Variants in LYPD4 observed in about 807,000 individuals in gnomAD.
LYPD4 encodes the protein LY6/PLAUR domain containing 4.
LYPD4 carries 20 observed loss-of-function variants against 18.2 expected under a neutral mutation model. The ratio of observed to expected loss-of-function variants is 1.10; its 90% CI spans 0.77 to 1.59. The LOEUF (loss-of-function observed/expected upper bound fraction) is 1.59. LYPD4 is among the 40% of genes most tolerant of loss of function. The pLI is 0.00. For synonymous variants in LYPD4, 111 were observed against 118.3 expected, an observed-to-expected ratio of 0.94 and a Z score of 0.40; for missense variants, 278 against 300.3, an observed-to-expected ratio of 0.93 and a Z score of 0.55.
At chr19:41,837,393 G>A (rs369537582) in intron 4 of LYPD4, 48 bp from the exon 5 acceptor site, 2 of 1,605,388 alleles carry the variant, frequency 1.2e-6, no homozygotes, top group East Asian at 2.2e-5. Flanking sequence ...AGACTCAAGA[G>A]CCCTGCCTTC....
rs570982806 is a variant in LYPD4 at position 41,843,624 on chromosome 19, A to G, written c.-167T>C. The G allele has an allele frequency of 5.9e-5, 9 of 152,130 alleles. No individual in the cohort carries two copies. The highest frequency in any genetic ancestry group is 2.2e-4 in the African/African-American group (9 of 41,438). The allele number at this position is 152,130 out of a possible 1,614,324, so 9.4% of individuals were successfully genotyped here. On this transcript the variant is annotated 5_prime_UTR_variant, in exon 1 of 5. Transcript: ENST00000609812. ...AGCTCCCCTGCCCAGCAGTCCAGCT[A>G]GAGGTCACGTCGGCCACCCTTTTCT...
intron 1 of LYPD4, among the ~76,000 whole-genome samples, chr19:41,842,784 A>C (rs1555833878): frequency 6.7e-6 from 1 of 148,524 alleles, no homozygotes; most frequent in African/African-American, 2.5e-5. Context: ...AAAAAAAAAA[A>C]AAAAAAAAAA....
rs1364659131 is a variant in LYPD4 at position 41,838,203 on chromosome 19, C to T, written c.270G>A (p.Ala90=). ...KGCSSSSSYP[A]QISYLVSPPG... ...GTGGGGAAACAAGGTAGGAGATTTG[C>T]GCAGGGTAAGACGAAGACGAGCTGC... The change falls in exon 4 of 5, where the codon GCG becomes GCA. Residue 90 remains alanine (A), a synonymous_variant. Transcript: ENST00000609812. The T allele has an allele frequency of 5.1e-6, 8 of 1,583,218 alleles. No homozygotes were observed. The African/African-American group carries it at 6.8e-5, about 13-fold the overall frequency.
chr19:41,838,178 G>T lies in LYPD4; in HGVS notation c.295C>A (p.Pro99Thr), dbSNP rs1555831399. 8.8e-6 allele frequency: 14 copies of T among 1,599,890 alleles called. No homozygotes were observed. Among genetic ancestry groups the T allele is most frequent in the Non-Finnish European group, 1.2e-5 (14 of 1,171,362 alleles). ...CTGTAGGAGGCAATGGACACTCCGG[G>T]TGGGGAAACAAGGTAGGAGATTTGC... ...PAQISYLVSP[P>T]GVSIASYSRV... The change falls in exon 4 of 5, where the codon CCC (proline) becomes ACC (threonine). Residue 99 changes from proline (P) to threonine (T), a missense_variant. Pro to Thr is a conservative substitution (Grantham distance 38). Coordinates refer to ENST00000609812, the MANE Select transcript of LYPD4 (RefSeq NM_173506.7).
rs2073497483 is a variant in LYPD4 at position 41,839,337 on chromosome 19, G to A, written c.-52C>T. On this transcript the variant is annotated 5_prime_UTR_variant, in exon 2 of 5. Coordinates refer to ENST00000609812, the MANE Select transcript of LYPD4 (RefSeq NM_173506.7). ...AGAGGTCAGTCTGGAATCAGTTTCA[G>A]TCTGGATCCCAAGCTCAGTTCCCAT... The A allele has an allele frequency of 1.3e-6, 2 of 1,552,202 alleles. No individual in the cohort carries two copies. The highest frequency in any genetic ancestry group is 2.7e-5 in the African/African-American group (2 of 73,692).
rs906166717 is a variant in LYPD4, at chr19:41,838,471, C to A, written c.212-210G>T. On this transcript the variant is annotated intron_variant, in intron 3 of 4. Coordinates refer to ENST00000609812, the MANE Select transcript of LYPD4 (RefSeq NM_173506.7). ...CATTCTTCCACTGCAGGACCTCCCCCAGCCCCCACTCCTCTCTCCCTTGTG... is the reference window on the plus strand; with the variant it reads ...CATTCTTCCACTGCAGGACCTCCCCAAGCCCCCACTCCTCTCTCCCTTGTG... 3.3e-5 allele frequency among the ~76,000 whole-genome samples: 5 copies of A among 152,234 alleles called. No homozygotes were observed. The East Asian group carries it at 7.8e-4, about 24-fold the overall frequency.
downstream of LYPD4, chr19:41,836,970 C>T (rs1211787868): frequency 3.1e-6 from 4 of 1,293,656 alleles, no homozygotes; most frequent in African/African-American, 4.5e-5. Flanking sequence ...AGGACACTGT[C>T]ACTTTGCCAG....
intron 1 of LYPD4, among the ~76,000 whole-genome samples, chr19:41,841,999 A>T (rs574671877): frequency 1.7e-3 from 261 of 152,330 alleles, no homozygotes; most frequent in African/African-American, 6.0e-3. Flanking sequence ...TATACCCTAC[A>T]TAGGTATTAC....
chr19:41,838,257 A>C lies in LYPD4; in HGVS notation c.216T>G (p.Thr72=). 1 of 1,526,062 alleles carries C rather than the reference A, an allele frequency of 6.6e-7. No individual in the cohort carries two copies. Among genetic ancestry groups the C allele is most frequent in the Non-Finnish European group, 8.8e-7 (1 of 1,136,270 alleles). 94.5% of individuals were successfully genotyped at this position (1,526,062 alleles called of 1,614,324 possible). A position where few individuals can be genotyped will look rare whatever the true frequency, so the allele number is the denominator to read the frequency against. The change falls in exon 4 of 5, where the codon ACT becomes ACG. Residue 72 remains threonine (T), a synonymous_variant. Transcript: ENST00000609812. The stretch of plus-strand genomic sequence containing the variant: ...CTTTAAAGCCCACGACTCCCCTTGC[A>C]GTCCCTGAGGAGCAGAGGATTGAGA... ...EETLVFIETG[T]ARGVVGFKGC...
Position 41,838,273 on chromosome 19 carries a change from A to G in LYPD4, c.212-12T>C. ...TCCCCTTGCAGTCCCTGAGGAGCAGAGGATTGAGAGAGCTCAGATCAGTGT... is the reference window on the plus strand; with the variant it reads ...TCCCCTTGCAGTCCCTGAGGAGCAGGGGATTGAGAGAGCTCAGATCAGTGT... On this transcript the variant is annotated splice_polypyrimidine_tract_variant and intron_variant, in intron 3 of 4. Transcript: ENST00000609812. 4 of 1,515,068 alleles carry G rather than the reference A, an allele frequency of 2.6e-6. No individual in the cohort carries two copies. The highest frequency in any genetic ancestry group is 3.5e-6 in the Non-Finnish European group (4 of 1,132,184). 93.9% of individuals were successfully genotyped at this position (1,515,068 alleles called of 1,614,324 possible). A position where few individuals can be genotyped will look rare whatever the true frequency, so the allele number is the denominator to read the frequency against.
rs566782331 is a variant in LYPD4, at chr19:41,838,663, G to A, written c.211+218C>T. Reference sequence around the variant, plus strand: ...TAATCCGGACACTTTGGGAGGCCAAGGTGGGCAGATCGCTTGAGCTCAGGA... The same window carrying A: ...TAATCCGGACACTTTGGGAGGCCAAAGTGGGCAGATCGCTTGAGCTCAGGA... On this transcript the variant is annotated intron_variant, in intron 3 of 4. Coordinates refer to ENST00000609812, the MANE Select transcript of LYPD4 (RefSeq NM_173506.7). 2.0e-5 allele frequency among the ~76,000 whole-genome samples: 3 copies of A among 152,044 alleles called. No individual in the cohort carries two copies. The South Asian group carries it at 6.2e-4, about 32-fold the overall frequency.
intron 4 of LYPD4, among the ~76,000 whole-genome samples, 175 bp from the exon 5 acceptor site, chr19:41,837,520 C>T (rs2123072838): frequency 6.6e-6 from 1 of 152,202 alleles, no homozygotes; most frequent in Non-Finnish European, 1.5e-5. Flanking sequence ...ATGGCAAAAA[C>T]CCATCTCCCT....
At chr19:41,838,741 T>TA (rs1250790540) in intron 3 of LYPD4, 140 bp downstream of exon 3, 14 of 441,338 alleles carry the variant, frequency 3.2e-5, no homozygotes, top group African/African-American at 4.3e-5. Flanking sequence ...CAAAAAAAAT[T>TA]AAAAAAAATA....
In LYPD4 at chr19:41,839,234, T is replaced by A. The variant is rs781851668; in HGVS notation, c.52A>T (p.Ile18Phe). Residue 18 changes from isoleucine (I) to phenylalanine (F), a missense_variant, in exon 2 of 5, where the codon ATC (isoleucine) becomes TTC (phenylalanine). Coordinates refer to ENST00000609812, the MANE Select transcript of LYPD4 (RefSeq NM_173506.7). ...LVQLFCLLGA[I>F]STLPRAGALL... is the part of the protein sequence containing the mutation. Reference sequence around the variant, plus strand: ...CAGGACATACGAGGCAGAGTGGAGATGGCCCCTAGAAGGCAGAACAGCTGC... The same window carrying A: ...CAGGACATACGAGGCAGAGTGGAGAAGGCCCCTAGAAGGCAGAACAGCTGC... 5.0e-6 allele frequency: 8 copies of A among 1,614,168 alleles called. No homozygotes were observed. The highest frequency in any genetic ancestry group is 1.7e-5 in the Admixed American group (1 of 60,012).
chr19:41,838,131 G>C lies in LYPD4; in HGVS notation c.342C>G (p.Leu114=). 2 of 1,613,932 alleles carry C rather than the reference G, an allele frequency of 1.2e-6. No individual in the cohort carries two copies. Among genetic ancestry groups the C allele is most frequent in the Non-Finnish European group, 1.7e-6 (2 of 1,179,860 alleles). ...ASYSRVCRSY[L]CNNLTNLEPF... ...GCTCCAAATTGGTGAGGTTGTTGCA[G>C]AGATAAGACCGGCAGACGCGACTGT... is the stretch of plus-strand genomic sequence containing the variant. Residue 114 remains leucine (L), a synonymous_variant, in exon 4 of 5, where the codon CTC becomes CTG. Coordinates refer to ENST00000609812, the MANE Select transcript of LYPD4 (RefSeq NM_173506.7).
rs995924559 is a variant in LYPD4 at position 41,842,241 on chromosome 19, C to T, written c.-121+1337G>A. On this transcript the variant is annotated intron_variant, in intron 1 of 4. Coordinates refer to ENST00000609812, the MANE Select transcript of LYPD4 (RefSeq NM_173506.7). ...ATGGAGTTTTTCCATGTTGCCCCAG[C>T]TGTTATCAAACTCCTGGGCTCAAGC... Among the ~76,000 whole-genome samples, 5 of 151,952 alleles carry T rather than the reference C, an allele frequency of 3.3e-5. No individual in the cohort carries two copies. The East Asian group carries it at 9.7e-4, about 30-fold the overall frequency.
Position 41,838,155 on chromosome 19 carries a change from G to A in LYPD4, c.318C>T (p.Tyr106=), listed in dbSNP as rs782693233. 2.5e-6 allele frequency: 4 copies of A among 1,611,834 alleles called. No individual in the cohort carries two copies. Among genetic ancestry groups the A allele is most frequent in the South Asian group, 1.1e-5 (1 of 90,966 alleles). Residue 106 remains tyrosine (Y), a synonymous_variant, in exon 4 of 5, where the codon TAC becomes TAT. Transcript: ENST00000609812. ...AGAGATAAGACCGGCAGACGCGACT[G>A]TAGGAGGCAATGGACACTCCGGGTG... is the stretch of plus-strand genomic sequence containing the variant. ...VSPPGVSIAS[Y]SRVCRSYLCN...
downstream of LYPD4, chr19:41,836,988 T>C: frequency 1.4e-6 from 2 of 1,409,622 alleles, no homozygotes; most frequent in Non-Finnish European, 1.9e-6. Flanking sequence ...CAGGCTCCTC[T>C]TCCTGGGTCC....
downstream of LYPD4, among the ~76,000 whole-genome samples, chr19:41,836,256 T>C (rs1228580024): frequency 2.7e-5 from 3 of 111,802 alleles, no homozygotes; most frequent in East Asian, 5.8e-4. Context: ...CCAGCCCTGC[T>C]CTTTCCTCTC....
Sources: gnomAD v4.1 joint callset for allele counts (sites outside exome capture counted in the v4.1 genomes callset) on GRCh38, gnomAD v4.1.1 for gene constraint, MANE v1.5 for transcripts, NCBI Gene and HGNC (gene_info 2026-07-23, HGNC 2026-07-21) for gene names.